The following NR5A1 variants were observed in gnomAD, a reference collection of about 807,000 sequenced individuals.
NR5A1 encodes steroidogenic factor 1.
Under a neutral mutation model 42.7 loss-of-function variants are expected in NR5A1, and 6 were observed. The observed-to-expected ratio is 0.14, with a 90% CI of 0.08 to 0.28. NR5A1 has a LOEUF of 0.28. NR5A1 is among the 10% of genes least tolerant of loss of function. The pLI is 1.00. For synonymous variants in NR5A1, 274 were observed against 277.5 expected (o/e 0.99, Z 0.12); for missense variants, 442 against 626.4 (o/e 0.71, Z 3.14).
At position 124,500,825 on chromosome 9, in the gene NR5A1, C is replaced by G; in HGVS notation, c.245-110G>C. On this transcript the variant is annotated intron_variant, in intron 3 of 6. Coordinates refer to ENST00000373588, the MANE Select transcript of NR5A1 (RefSeq NM_004959.5). The surrounding 1 kb of genome is among the most constrained non-coding windows in gnomAD (Gnocchi z 6.9). The stretch of plus-strand genomic sequence containing the variant: ...TGACCGCTCTCTCCCCTGCTCAACA[C>G]CCTTTCATGGCTCCCACTGACCACA... 6.5e-7 allele frequency: 1 copy of G among 1,535,274 alleles called. No individual in the cohort carries two copies. The highest frequency in any genetic ancestry group is 1.7e-5 in the Admixed American group (1 of 58,296).
chr9:124,500,599 C>T lies in NR5A1; in HGVS notation c.361G>A (p.Glu121Lys). The T allele has an allele frequency of 4.3e-6, 7 of 1,612,702 alleles. No homozygotes were observed. The highest frequency in any genetic ancestry group is 5.9e-6 in the Non-Finnish European group (7 of 1,179,996). ...GGCACCCCCATCGGGGGCCCTGTCT[C>T]CAGCTTGAAGCCATTGGCCCGAATC... Reference protein sequence around the residue: ...AQIRANGFKLETGPPMGVPPP... With the variant: ...AQIRANGFKLKTGPPMGVPPP... The change falls in exon 4 of 7, where the codon GAG (glutamate) becomes AAG (lysine). Residue 121 changes from glutamate to lysine, a missense_variant. Physicochemically the swap from Glu to Lys is moderately conservative, Grantham distance 56. This residue lies in a region of NR5A1 where 208 missense variants were observed against 203.8 expected (regional missense o/e 1.02). Coordinates refer to ENST00000373588, the MANE Select transcript of NR5A1 (RefSeq NM_004959.5). This position sits in a 1 kb window ranked among gnomAD's most constrained non-coding sequence, Gnocchi z 6.9.
intron 6 of NR5A1, among the ~76,000 whole-genome samples, chr9:124,486,742 G>T (rs1389070386): frequency 1.3e-5 from 2 of 152,314 alleles, no homozygotes; most frequent in Non-Finnish European, 2.9e-5. Flanking sequence ...GAAGATTCCA[G>T]CGGATAACAC....
In NR5A1 at chr9:124,500,279, G is replaced by A. The variant is rs927999500; in HGVS notation, c.681C>T (p.Ile227=). 1 of 1,577,922 alleles carries A rather than the reference G, an allele frequency of 6.3e-7. No individual in the cohort carries two copies. Among genetic ancestry groups the A allele is most frequent in the African/African-American group, 1.3e-5 (1 of 74,174 alleles). ...CCGGCTCCAGCTGCAGCAGCTGCAG[G>A]ATGAGCTCAGGCACGTTGGGCCCTC... The part of the protein sequence containing the change: ...FSGGPNVPEL[I]LQLLQLEPDE... The change falls in exon 4 of 7, where the codon ATC becomes ATT. Residue 227 remains isoleucine (I), a synonymous_variant. Coordinates refer to ENST00000373588, the MANE Select transcript of NR5A1 (RefSeq NM_004959.5). The surrounding 1 kb of genome is among the most constrained non-coding windows in gnomAD (Gnocchi z 6.9).
chr9:124,504,763 G>A (rs1832525839), intron 1 of NR5A1, among the ~76,000 whole-genome samples: 1 of 146,230 alleles, frequency 6.8e-6, no homozygotes, highest in African/African-American at 2.4e-5. Context: ...CGCCGGCGAG[G>A]AGCCGCACCC....
chr9:124,502,837 T>A (rs1476677864), intron 3 of NR5A1, among the ~76,000 whole-genome samples: 2 of 152,136 alleles, frequency 1.3e-5, no homozygotes, highest in Non-Finnish European at 2.9e-5. Flanking sequence ...AAGAGTCATC[T>A]CCATAGGGTT....
chr9:124,502,063 C>G (rs1013403475), intron 3 of NR5A1, among the ~76,000 whole-genome samples: 1 of 152,148 alleles, frequency 6.6e-6, no homozygotes, highest in East Asian at 1.9e-4. Context: ...ATCTCACTGG[C>G]TGAGCCAATA....
chr9:124,482,517 G>C lies in NR5A1; in HGVS notation c.*241C>G, dbSNP rs919044760. On this transcript the variant is annotated 3_prime_UTR_variant, in exon 7 of 7. Coordinates refer to ENST00000373588, the MANE Select transcript of NR5A1 (RefSeq NM_004959.5). Reference sequence around the variant, plus strand: ...GGTGGTTAACAGCCACCTCCTTGGGGCACTCCAAGCAGCAGGCAAGTGCCA... The same window carrying C: ...GGTGGTTAACAGCCACCTCCTTGGGCCACTCCAAGCAGCAGGCAAGTGCCA... The C allele has an allele frequency of 7.0e-6, 4 of 571,966 alleles. No individual in the cohort carries two copies. Among genetic ancestry groups the C allele is most frequent in the Middle Eastern group, 4.7e-4 (1 of 2,124 alleles). 35.4% of individuals were successfully genotyped at this position (571,966 alleles called of 1,614,324 possible).
In NR5A1 at chr9:124,506,224, TCTC is replaced by T. The variant is rs555161858; in HGVS notation, c.-16+1022_-16+1024del. On this transcript the variant is annotated intron_variant, in intron 1 of 6. Coordinates refer to ENST00000373588, the MANE Select transcript of NR5A1 (RefSeq NM_004959.5). Reference sequence around the variant, plus strand: ...GCTGTGCAAGCTCGGGCAAGTCACTTCTCCTCTCTGAAACGAGAGCCTCAGTTT... The same window carrying T: ...GCTGTGCAAGCTCGGGCAAGTCACTTCTCTCTGAAACGAGAGCCTCAGTTT... Among the ~76,000 whole-genome samples the T allele has an allele frequency of 3.5e-4, 54 of 152,230 alleles. No homozygotes were observed. The East Asian group carries it at 9.9e-3, about 28-fold the overall frequency.
At chr9:124,487,289 C>T (rs545180558) in intron 6 of NR5A1, among the ~76,000 whole-genome samples, 1 of 152,374 alleles carries the variant, frequency 6.6e-6, no homozygotes, top group Admixed American at 6.5e-5. Flanking sequence ...CAGGCGCCCC[C>T]GCGCACAATG....
At chr9:124,486,583 C>T (rs1009760193) in intron 6 of NR5A1, among the ~76,000 whole-genome samples, 6 of 152,216 alleles carry the variant, frequency 3.9e-5, no homozygotes, top group African/African-American at 1.2e-4. Context: ...GAGTTCTGTC[C>T]GAGATCCCCC....
chr9:124,492,418 C>T (rs1832329458), intron 5 of NR5A1, among the ~76,000 whole-genome samples: 1 of 151,946 alleles, frequency 6.6e-6, no homozygotes, highest in Non-Finnish European at 1.5e-5. Flanking sequence ...ACCCCTGCTG[C>T]ATCTGGACTT....
rs1832500549 is a variant in NR5A1 at position 124,503,502 on chromosome 9, C to A, written c.-15-92G>T. 7.7e-6 allele frequency: 8 copies of A among 1,041,800 alleles called. No individual in the cohort carries two copies. The highest frequency in any genetic ancestry group is 1.6e-5 in the South Asian group (1 of 61,376). 64.5% of individuals were successfully genotyped at this position (1,041,800 alleles called of 1,614,324 possible). A position where few individuals can be genotyped will look rare whatever the true frequency, so the allele number is the denominator to read the frequency against. ...GCCCCAGCCGCTGTCGCCGGCCCGT[C>A]GCGTAATCCCCTCTCTGTGCCCAGG... On this transcript the variant is annotated intron_variant, in intron 1 of 6. Coordinates refer to ENST00000373588, the MANE Select transcript of NR5A1 (RefSeq NM_004959.5). This position sits in a 1 kb window ranked among gnomAD's most constrained non-coding sequence, Gnocchi z 9.6.
rs761000204 is a variant in NR5A1 at position 124,501,102 on chromosome 9, C to G, written c.245-387G>C. On this transcript the variant is annotated intron_variant, in intron 3 of 6. Transcript: ENST00000373588. This position sits in a 1 kb window ranked among gnomAD's most constrained non-coding sequence, Gnocchi z 4.1. ...ACTCCTGGATTCATGCAAACGGGCTCTACTGTCCTTGCCCCAGGTGCCCTG... is the reference window on the plus strand; with the variant it reads ...ACTCCTGGATTCATGCAAACGGGCTGTACTGTCCTTGCCCCAGGTGCCCTG... 9.2e-5 allele frequency: 46 copies of G among 502,264 alleles called. No homozygotes were observed. The highest frequency in any genetic ancestry group is 1.7e-4 in the Non-Finnish European group (42 of 252,678). 31.1% of individuals were successfully genotyped at this position (502,264 alleles called of 1,614,324 possible).
rs114860144 is a variant in NR5A1 at position 124,489,105 on chromosome 9, C to T, written c.1138+1976G>A. On this transcript the variant is annotated intron_variant, in intron 6 of 6. Coordinates refer to ENST00000373588, the MANE Select transcript of NR5A1 (RefSeq NM_004959.5). ...GAAGGAGAAGTCCTGGATTCACCCC[C>T]GGCAGCCGCCAGAGCTATGCACAGG... Among the ~76,000 whole-genome samples the T allele has an allele frequency of 7.8e-3, 1,187 of 152,360 alleles. 13 individuals are homozygous for T. Among genetic ancestry groups the T allele is most frequent in the African/African-American group, 0.024 (993 of 41,584 alleles).
At chr9:124,492,516 C>T (rs562571799) in intron 5 of NR5A1, among the ~76,000 whole-genome samples, 1 of 152,244 alleles carries the variant, frequency 6.6e-6, no homozygotes, top group Non-Finnish European at 1.5e-5. Flanking sequence ...TTCATTCATT[C>T]ATTCATTCAT....
Position 124,503,659 on chromosome 9 carries a change from C to A in NR5A1, c.-15-249G>T, listed in dbSNP as rs1832503308. ...CCGGGGGGCTCCTCCCGCGCGGACC[C>A]CGTCGCGCCCGATCTGGGGCCCTCG... On this transcript the variant is annotated intron_variant, in intron 1 of 6. Coordinates refer to ENST00000373588, the MANE Select transcript of NR5A1 (RefSeq NM_004959.5). The surrounding 1 kb of genome is among the most constrained non-coding windows in gnomAD (Gnocchi z 9.6). Among the ~76,000 whole-genome samples the A allele has an allele frequency of 6.6e-6, 1 of 152,216 alleles. No homozygotes were observed. Among genetic ancestry groups the A allele is most frequent in the South Asian group, 2.1e-4 (1 of 4,836 alleles).
In NR5A1 at chr9:124,503,475, C is replaced by T; in HGVS notation, c.-15-65G>A. Reference sequence around the variant, plus strand: ...CGGCAGCCTGGGGTCCCCGCGGCCGCCGCCCCAGCCGCTGTCGCCGGCCCG... The same window carrying T: ...CGGCAGCCTGGGGTCCCCGCGGCCGTCGCCCCAGCCGCTGTCGCCGGCCCG... On this transcript the variant is annotated intron_variant, in intron 1 of 6. Transcript: ENST00000373588. This position sits in a 1 kb window ranked among gnomAD's most constrained non-coding sequence, Gnocchi z 9.6. 7.5e-7 allele frequency: 1 copy of T among 1,331,472 alleles called. No homozygotes were observed. The highest frequency in any genetic ancestry group is 1.0e-6 in the Non-Finnish European group (1 of 974,320). 82.5% of individuals were successfully genotyped at this position (1,331,472 alleles called of 1,614,324 possible).
rs879911122 is a variant in NR5A1 at position 124,504,051 on chromosome 9, A to AGAGAGAGAGAGAGAGAGAGAGAGAGAG, written c.-15-642_-15-641insCTCTCTCTCTCTCTCTCTCTCTCTCTC. On this transcript the variant is annotated intron_variant, in intron 1 of 6. Coordinates refer to ENST00000373588, the MANE Select transcript of NR5A1 (RefSeq NM_004959.5). ...GAGAGAGAGAGAGAGAGAGAGAGAG[A>AGAGAGAGAGAGAGAGAGAGAGAGAGAG]CGAGAGAGAGAGAGAGAGAGAGAAA... 1.2e-4 allele frequency among the ~76,000 whole-genome samples: 15 copies of AGAGAGAGAGAGAGAGAGAGAGAGAGAG among 126,634 alleles called. 1 individual carries two copies. Among genetic ancestry groups the AGAGAGAGAGAGAGAGAGAGAGAGAGAG allele is most frequent in the East Asian group, 4.6e-4 (2 of 4,388 alleles). The allele number at this position is 126,634 out of a possible 152,430, so 83.1% of individuals were successfully genotyped here. A position where few individuals can be genotyped will look rare whatever the true frequency, so the allele number is the denominator to read the frequency against.
In NR5A1 at chr9:124,503,055, G is replaced by A. The variant is rs778760426; in HGVS notation, c.244+24C>T. 41 of 1,550,800 alleles carry A rather than the reference G, an allele frequency of 2.6e-5. No homozygotes were observed. In the African/African-American group the frequency reaches 5.2e-4, roughly 19 times the overall value. On this transcript the variant is annotated intron_variant, in intron 3 of 6. Coordinates refer to ENST00000373588, the MANE Select transcript of NR5A1 (RefSeq NM_004959.5). The surrounding 1 kb of genome is among the most constrained non-coding windows in gnomAD (Gnocchi z 9.6). ...CCCCCTCAGGCTGTGGGGGGTCAGG[G>A]GTCGAGGCCCGCGCGGCGCGCACCT...
Sources: allele counts gnomAD v4.1 joint callset (sites outside exome capture counted in the v4.1 genomes callset), GRCh38; gene constraint gnomAD v4.1.1; regional missense constraint gnomAD v4.1.1; non-coding constraint Gnocchi (gnomAD v3.1); transcripts MANE v1.5; gene names NCBI Gene and HGNC (gene_info 2026-07-23, HGNC 2026-07-21).